Variants in DDX60L observed in about 807,000 individuals in gnomAD.
DDX60L encodes DExD/H-box 60 like.
Under a neutral mutation model 211.6 loss-of-function variants are expected in DDX60L, and 191 were observed. The observed-to-expected ratio is 0.90, with a 90% confidence interval of 0.80 to 1.02. DDX60L has a LOEUF of 1.02. DDX60L is among the 50% of genes least tolerant of loss of function. DDX60L has a pLI of 0.00. For missense variants in DDX60L, 2,007 were observed against 1,984.1 expected (o/e 1.01, Z -0.22); for synonymous variants, 706 against 694.1 (o/e 1.02, Z -0.27).
intron 9 of DDX60L, among the ~76,000 whole-genome samples, chr4:168,447,431 G>A (rs1579714669): frequency 6.6e-6 from 1 of 151,084 alleles, no homozygotes; most frequent in Non-Finnish European, 1.5e-5. Flanking sequence ...TACACTGTTA[G>A]TGGGACTGTA....
At chr4:168,363,322 T>G (rs931981579) in intron 36 of DDX60L, among the ~76,000 whole-genome samples, 3 of 152,148 alleles carry the variant, frequency 2.0e-5, no homozygotes, top group Admixed American at 1.3e-4. Flanking sequence ...ATGCTACAAC[T>G]AAAAATGAAA....
chr4:168,368,175 G>T (rs547295580), intron 36 of DDX60L, among the ~76,000 whole-genome samples: 2 of 152,232 alleles, frequency 1.3e-5, no homozygotes, highest in Non-Finnish European at 2.9e-5. Context: ...CCCATCAGAG[G>T]TCTGGAAACC....
At chr4:168,403,074 GT>G (rs1747115275) in intron 25 of DDX60L, among the ~76,000 whole-genome samples, 1 of 152,216 alleles carries the variant, frequency 6.6e-6, no homozygotes, top group Non-Finnish European at 1.5e-5. Flanking sequence ...ACACTGGAAA[GT>G]AATCTAGATA....
rs1479299048 is a variant in DDX60L at position 168,448,697 on chromosome 4, A to G, written c.1079T>C (p.Leu360Ser). 1 of 1,602,324 alleles carries G rather than the reference A, an allele frequency of 6.2e-7. No homozygotes were observed. The highest frequency in any genetic ancestry group is 8.5e-7 in the Non-Finnish European group (1 of 1,170,782). Residue 360 changes from leucine to serine, a missense_variant, in exon 9 of 38, where the codon TTG becomes TCG. Transcript: ENST00000682922. Reference protein sequence around the residue: ...WNLNLNHVSDLYDEQLLKNIA... With the variant: ...WNLNLNHVSDSYDEQLLKNIA... ...ATTCTTTAACAATTGCTCATCATAC[A>G]AGTCAGAAACATGATTTAAATTCAG...
At chr4:168,479,593 A>C (rs1477589192) in intron 1 of DDX60L, among the ~76,000 whole-genome samples, 2 of 152,186 alleles carry the variant, frequency 1.3e-5, no homozygotes, top group African/African-American at 4.8e-5. Context: ...TTATCAATGT[A>C]ACTTTGTAAA....
chr4:168,478,645 AT>A (rs745935441), intron 1 of DDX60L, among the ~76,000 whole-genome samples: 3 of 152,346 alleles, frequency 2.0e-5, no homozygotes, highest in East Asian at 3.9e-4. Flanking sequence ...TAACATGGGT[AT>A]TTTATTAAAA....
chr4:168,358,798 G>A (rs1336223087), intron 37 of DDX60L, among the ~76,000 whole-genome samples: 2 of 152,076 alleles, frequency 1.3e-5, no homozygotes, highest in East Asian at 1.9e-4. Flanking sequence ...GATTACAGGC[G>A]TGGGCCACCG....
At chr4:168,475,867 G>A (rs1269639223) in intron 1 of DDX60L, 1 of 151,806 alleles carries the variant, frequency 6.6e-6, no homozygotes, top group Non-Finnish European at 1.5e-5. Context: ...ACATCAGAGA[G>A]CTCATACTCT....
chr4:168,472,663 T>C (rs1490114251), intron 2 of DDX60L, 33 bp downstream of exon 2: 1 of 1,612,618 alleles, frequency 6.2e-7, no homozygotes, highest in Admixed American at 1.7e-5. Flanking sequence ...ATTGTTGCTT[T>C]ATAGGCTACA....
rs528178374 is a variant in DDX60L, at chr4:168,390,502, A to G, written c.3915+1038T>C. ...TTTTCTCTGTAAAATCACAGTCTTC[A>G]TATTCCAGTCTAGGAGAGTTCACAT... On this transcript the variant is annotated intron_variant, in intron 29 of 37. Transcript: ENST00000682922. The G allele has an allele frequency of 1.6e-5, 22 of 1,405,948 alleles. No individual in the cohort carries two copies. In the South Asian group the frequency reaches 3.5e-4, roughly 22 times the overall value. The allele number at this position is 1,405,948 out of a possible 1,614,324, so 87.1% of individuals were successfully genotyped here.
chr4:168,448,669 T>A lies in DDX60L; in HGVS notation c.1107A>T (p.Ile369=), dbSNP rs2712113. 1,238,070 of 1,573,380 alleles carry A rather than the reference T, an allele frequency of 0.79. 488,427 individuals carry two copies. The highest frequency in any genetic ancestry group is 0.88 in the East Asian group (39,125 of 44,284). Residue 369 remains isoleucine, a synonymous_variant, in exon 9 of 38, where the codon ATA becomes ATT. Transcript: ENST00000682922. ...DLYDEQLLKN[I]AFYYEFESTQ... ...TACTTTCAAATTCATAGTAGAAGGC[T>A]ATATTCTTTAACAATTGCTCATCAT... is the stretch of plus-strand genomic sequence containing the variant.
chr4:168,388,583 G>A (rs778075563), intron 29 of DDX60L, among the ~76,000 whole-genome samples: 9 of 152,154 alleles, frequency 5.9e-5, no homozygotes, highest in East Asian at 1.9e-4. Flanking sequence ...TGTCACCATC[G>A]TACAGATTGA....
In DDX60L at chr4:168,373,958, C is replaced by A. The variant is rs529820438; in HGVS notation, c.4634-150G>T. 46 of 690,128 alleles carry A rather than the reference C, an allele frequency of 6.7e-5. No homozygotes were observed. In the African/African-American group the frequency reaches 8.1e-4, roughly 12 times the overall value. The allele number at this position is 690,128 out of a possible 1,614,324, so 42.8% of individuals were successfully genotyped here. A position where few individuals can be genotyped will look rare whatever the true frequency, so the allele number is the denominator to read the frequency against. On this transcript the variant is annotated intron_variant, in intron 34 of 37. Transcript: ENST00000682922. ...GATATGGTGCATAAAGTCATTAACA[C>A]AGCTTGGCACAGAGTAATCATTCAA... is the stretch of plus-strand genomic sequence containing the variant.
Position 168,357,000 on chromosome 4 carries a change from C to A in DDX60L, c.*1147G>T, listed in dbSNP as rs1055035508. 6.6e-6 allele frequency: 1 copy of A among 152,160 alleles called. No individual in the cohort carries two copies. The highest frequency in any genetic ancestry group is 2.4e-5 in the African/African-American group (1 of 41,432). The allele number at this position is 152,160 out of a possible 1,614,324, so 9.4% of individuals were successfully genotyped here. A position where few individuals can be genotyped will look rare whatever the true frequency, so the allele number is the denominator to read the frequency against. On this transcript the variant is annotated 3_prime_UTR_variant, in exon 38 of 38. Coordinates refer to ENST00000682922, the MANE Select transcript of DDX60L (RefSeq NM_001012967.3). ...TTCAGAGTACCGTATTCATTTATCA[C>A]AGCAAAAACGCACCTTTAAAGGTTT...
intron 29 of DDX60L, among the ~76,000 whole-genome samples, chr4:168,390,781 T>C (rs1285724359): frequency 1.3e-5 from 2 of 152,224 alleles, no homozygotes; most frequent in South Asian, 2.1e-4. Context: ...ATCTCTGTTA[T>C]ATAGCCCTTC....
chr4:168,460,130 G>T (rs1410379931), intron 5 of DDX60L, among the ~76,000 whole-genome samples: 1 of 152,128 alleles, frequency 6.6e-6, no homozygotes, highest in Non-Finnish European at 1.5e-5. Context: ...GATTATTTTT[G>T]ATAAACTATC....
chr4:168,406,458 T>G, intron 23 of DDX60L, 144 bp downstream of exon 23: 2 of 623,564 alleles, frequency 3.2e-6, no homozygotes, highest in South Asian at 2.2e-5. Context: ...TGGCTGAAAA[T>G]AAGAAAAAAT....
chr4:168,451,564 C>T (rs755717382), intron 8 of DDX60L, among the ~76,000 whole-genome samples: 1 of 152,168 alleles, frequency 6.6e-6, no homozygotes, highest in Non-Finnish European at 1.5e-5. Flanking sequence ...ACATCTTAGC[C>T]ATGTTAGCAT....
In DDX60L at chr4:168,471,864, T is replaced by A; in HGVS notation, c.147A>T (p.Thr49=). 1 of 1,613,626 alleles carries A rather than the reference T, an allele frequency of 6.2e-7. No individual in the cohort carries two copies. The highest frequency in any genetic ancestry group is 8.5e-7 in the Non-Finnish European group (1 of 1,179,868). The change falls in exon 4 of 38, where the codon ACA becomes ACT. Residue 49 remains threonine, a synonymous_variant. Coordinates refer to ENST00000682922, the MANE Select transcript of DDX60L (RefSeq NM_001012967.3). Reference sequence around the variant, plus strand: ...ACTTGAATGATTTTACACCCAGGCATGTGACAAGCAAGGAATCTCCATCAA... The same window carrying A: ...ACTTGAATGATTTTACACCCAGGCAAGTGACAAGCAAGGAATCTCCATCAA... ...FVIDGDSLLV[T]CLGVKSFKWG...
Sources: allele counts gnomAD v4.1 joint callset (sites outside exome capture counted in the v4.1 genomes callset), GRCh38; gene constraint gnomAD v4.1.1; transcripts MANE v1.5; gene names NCBI Gene and HGNC (gene_info 2026-07-23, HGNC 2026-07-21).